Variants in MAGI3 observed in about 807,000 individuals in gnomAD.
The protein encoded by MAGI3 is membrane associated guanylate kinase, WW and PDZ domain containing 3.
A neutral mutation model predicts 121.8 loss-of-function variants in MAGI3; 43 were observed. The ratio of observed to expected loss-of-function variants is 0.35; its 90% CI spans 0.28 to 0.46. MAGI3 has a LOEUF of 0.46. Among genes scored for constraint, MAGI3 ranks in the 20% least tolerant of loss-of-function variants. The pLI is 1.00. For synonymous variants in MAGI3, 553 were observed against 639.3 expected (o/e 0.86, Z 2.04); for missense variants, 1,547 against 1,797.3 (o/e 0.86, Z 2.52).
At chr1:113,655,624 G>A (rs1036443731) in intron 15 of MAGI3, among the ~76,000 whole-genome samples, 2 of 151,966 alleles carry the variant, frequency 1.3e-5, no homozygotes, top group Non-Finnish European at 1.5e-5. Flanking sequence ...TTTTACCTAT[G>A]GAGATACTTC....
In MAGI3 at chr1:113,653,907, G is replaced by T; in HGVS notation, c.2518G>T (p.Val840Phe). Reference sequence around the variant, plus strand: ...ATCTCCCCGCCTGAACCGGGCAGAGGTCCCAGCCAGGCCTGCACCCCAGGA... The same window carrying T: ...ATCTCCCCGCCTGAACCGGGCAGAGTTCCCAGCCAGGCCTGCACCCCAGGA... ...NGSPRLNRAEVPARPAPQEPY... is the reference protein window; with the variant it reads ...NGSPRLNRAEFPARPAPQEPY... Residue 840 changes from valine (V) to phenylalanine (F), a missense_variant, in exon 15 of 21, where the codon GTC becomes TTC. Coordinates refer to ENST00000307546, the MANE Select transcript of MAGI3 (RefSeq NM_001142782.2). The T allele has an allele frequency of 1.2e-6, 2 of 1,614,032 alleles. No homozygotes were observed. Among genetic ancestry groups the T allele is most frequent in the Non-Finnish European group, 1.7e-6 (2 of 1,179,984 alleles).
chr1:113,485,192 C>G (rs1421133899), intron 1 of MAGI3, among the ~76,000 whole-genome samples: 1 of 152,162 alleles, frequency 6.6e-6, no homozygotes, highest in African/African-American at 2.4e-5. Flanking sequence ...AGTGGGATTG[C>G]TGGATCAAAT....
chr1:113,431,612 CAA>C (rs1432709137), intron 1 of MAGI3, among the ~76,000 whole-genome samples: 1 of 151,906 alleles, frequency 6.6e-6, no homozygotes. Context: ...TTAAAAAAGA[CAA>C]TATTTATAAT....
chr1:113,411,203 T>C (rs1427704333), intron 1 of MAGI3, among the ~76,000 whole-genome samples: 1 of 152,126 alleles, frequency 6.6e-6, no homozygotes, highest in Admixed American at 6.6e-5. Flanking sequence ...AATTTATTCT[T>C]AGCAACTTAA....
rs1648638504 is a variant in MAGI3, at chr1:113,590,565, T to G, written c.845T>G (p.Phe282Cys). The part of the protein sequence containing the change: ...SYNQTNSSMD[F>C]RNYMMRDETL... Reference sequence around the variant, plus strand: ...AACCAAACAAATAGCTCCATGGACTTTAGAAATTATATGATGAGAGATGAG... The same window carrying G: ...AACCAAACAAATAGCTCCATGGACTGTAGAAATTATATGATGAGAGATGAG... Residue 282 changes from phenylalanine to cysteine, a missense_variant, in exon 5 of 21, where the codon TTT (phenylalanine) becomes TGT (cysteine). Transcript: ENST00000307546. The G allele has an allele frequency of 6.2e-7, 1 of 1,613,704 alleles. No individual in the cohort carries two copies. The highest frequency in any genetic ancestry group is 8.5e-7 in the Non-Finnish European group (1 of 1,179,720).
chr1:113,630,162 CAAGA>C (rs1226895201), intron 9 of MAGI3, among the ~76,000 whole-genome samples: 1 of 152,140 alleles, frequency 6.6e-6, no homozygotes, highest in African/African-American at 2.4e-5. Flanking sequence ...ATTCAAACCA[CAAGA>C]CAGACAGAAT....
chr1:113,408,205 G>C (rs1200983443), intron 1 of MAGI3, among the ~76,000 whole-genome samples: 1 of 151,946 alleles, frequency 6.6e-6, no homozygotes, highest in Non-Finnish European at 1.5e-5. Context: ...CTCTTTTTTT[G>C]CTGTATGTTT....
chr1:113,617,992 A>G (rs759888823), intron 7 of MAGI3, among the ~76,000 whole-genome samples: 3 of 152,206 alleles, frequency 2.0e-5, no homozygotes, highest in Non-Finnish European at 4.4e-5. Context: ...TGGAACTGAT[A>G]TGTAGTAGTA....
intron 1 of MAGI3, among the ~76,000 whole-genome samples, chr1:113,526,356 T>C (rs1410183561): frequency 6.6e-6 from 1 of 152,192 alleles, no homozygotes; most frequent in Non-Finnish European, 1.5e-5. Context: ...ATATAGTATC[T>C]GTGTATAGAC....
intron 6 of MAGI3, among the ~76,000 whole-genome samples, chr1:113,604,430 G>A (rs1367493131): frequency 1.3e-5 from 2 of 151,852 alleles, no homozygotes; most frequent in East Asian, 1.9e-4. Flanking sequence ...AGCCAGGCAT[G>A]GTGGCATGCA....
At chr1:113,518,397 A>T (rs1658027106) in intron 1 of MAGI3, among the ~76,000 whole-genome samples, 1 of 152,122 alleles carries the variant, frequency 6.6e-6, no homozygotes. Context: ...CCTCATACTT[A>T]GTTCCTTATA....
Position 113,683,624 on chromosome 1 carries a change from G to A in MAGI3, c.4056G>A (p.Arg1352=), listed in dbSNP as rs1352089584. ...KQNQLEKSRT[R]SPEKKIKRMV... is the part of the protein sequence containing the mutation. ...ATCAGTTGGAAAAAAGCAGAACAAG[G>A]TCTCCAGAGAAAAAAATCAAAAGAA... The change falls in exon 21 of 21, where the codon AGG becomes AGA. Residue 1352 remains arginine (R), a synonymous_variant. Coordinates refer to ENST00000307546, the MANE Select transcript of MAGI3 (RefSeq NM_001142782.2). 2.5e-6 allele frequency: 4 copies of A among 1,613,232 alleles called. No individual in the cohort carries two copies. The highest frequency in any genetic ancestry group is 3.4e-6 in the Non-Finnish European group (4 of 1,179,750).
intron 18 of MAGI3, among the ~76,000 whole-genome samples, chr1:113,673,027 T>C (rs1647658719): frequency 6.6e-6 from 1 of 152,246 alleles, no homozygotes; most frequent in Admixed American, 6.5e-5. Context: ...TACTTGTTTG[T>C]TTCCAGGAAA....
intron 6 of MAGI3, among the ~76,000 whole-genome samples, chr1:113,603,050 AG>A (rs1316383292): frequency 3.9e-5 from 6 of 152,274 alleles, no homozygotes; most frequent in African/African-American, 1.4e-4. Flanking sequence ...CAAAATTTAT[AG>A]ACCATTAGCT....
intron 4 of MAGI3, among the ~76,000 whole-genome samples, chr1:113,585,918 CAGGAT>C (rs1648338637): frequency 6.6e-6 from 1 of 152,118 alleles, no homozygotes; most frequent in Non-Finnish European, 1.5e-5. Context: ...TCTTACTTTA[CAGGAT>C]GTAAACAATA....
chr1:113,573,554 G>A (rs1363448210), intron 2 of MAGI3, among the ~76,000 whole-genome samples: 1 of 152,170 alleles, frequency 6.6e-6, no homozygotes, highest in South Asian at 2.1e-4. Flanking sequence ...ACTGTGGTCC[G>A]AGAGAGCGTT....
intron 1 of MAGI3, among the ~76,000 whole-genome samples, chr1:113,441,263 C>T (rs890863096): frequency 1.3e-5 from 2 of 152,146 alleles, no homozygotes; most frequent in African/African-American, 2.4e-5. Flanking sequence ...CTGCCTTCTA[C>T]CCCTCAGCTT....
chr1:113,403,391 TATG>T (rs1651507751), intron 1 of MAGI3, among the ~76,000 whole-genome samples: 1 of 152,154 alleles, frequency 6.6e-6, no homozygotes, highest in Admixed American at 6.6e-5. Context: ...TAGATGCTGT[TATG>T]ATGAATCTGG....
At position 113,651,182 on chromosome 1, in the gene MAGI3, G is replaced by A. The variant is rs759460164; in HGVS notation, c.2416G>A (p.Val806Ile). 4 of 1,611,900 alleles carry A rather than the reference G, an allele frequency of 2.5e-6. No homozygotes were observed. The highest frequency in any genetic ancestry group is 3.4e-6 in the Non-Finnish European group (4 of 1,179,546). The stretch of plus-strand genomic sequence containing the variant: ...TCGAAATGGCCATGTGTTACTAACT[G>A]TCAGACGGAAGATCTTCTATGGAGG... ...AARNGHVLLT[V>I]RRKIFYGEKQ... is the part of the protein sequence containing the mutation. The change falls in exon 14 of 21, where the codon GTC (valine) becomes ATC (isoleucine). Residue 806 changes from valine to isoleucine, a missense_variant. Coordinates refer to ENST00000307546, the MANE Select transcript of MAGI3 (RefSeq NM_001142782.2).
Sources: allele counts gnomAD v4.1 joint callset (sites outside exome capture counted in the v4.1 genomes callset), GRCh38; gene constraint gnomAD v4.1.1; transcripts MANE v1.5; gene names NCBI Gene and HGNC (gene_info 2026-07-23, HGNC 2026-07-21).